PDE7A: variants seen among roughly 807,000 people sequenced by gnomAD.
PDE7A encodes the protein phosphodiesterase 7A.
In PDE7A, 39 loss-of-function variants were observed where a neutral mutation model predicts 64.3. The observed-to-expected ratio is 0.61, with a 90% CI of 0.47 to 0.79. PDE7A has a LOEUF of 0.79. PDE7A is among the 30% of genes least tolerant of loss of function. The pLI, the probability that PDE7A is intolerant of heterozygous loss-of-function variation, is 0.00. For synonymous variants in PDE7A, 203 were observed against 206.8 expected (o/e 0.98, Z 0.16); for missense variants, 470 against 582.8 (o/e 0.81, Z 1.99).
chr8:65,784,727 C>T (rs1455725650), intron 1 of PDE7A, among the ~76,000 whole-genome samples: 1 of 150,338 alleles, frequency 6.7e-6, no homozygotes, highest in African/African-American at 2.4e-5. Flanking sequence ...TATCCTCCCA[C>T]CAAAAAAAAA....
intron 1 of PDE7A, among the ~76,000 whole-genome samples, chr8:65,801,708 T>C (rs186309579): frequency 4.6e-5 from 7 of 152,262 alleles, no homozygotes; most frequent in African/African-American, 1.7e-4. Flanking sequence ...GAGAACATGA[T>C]ACAAATTTAT....
intron 8 of PDE7A, 98 bp downstream of exon 8, chr8:65,727,072 T>C (rs1806641967): frequency 1.0e-6 from 1 of 994,680 alleles, no homozygotes; most frequent in African/African-American, 1.6e-5. Flanking sequence ...ATTCTAACAT[T>C]CATTGAGAAT....
At chr8:65,821,356 T>C (rs1406098953) in intron 1 of PDE7A, among the ~76,000 whole-genome samples, 1 of 151,990 alleles carries the variant, frequency 6.6e-6, no homozygotes, top group Non-Finnish European at 1.5e-5. Flanking sequence ...TCTCATAAAA[T>C]AGCAATTTAA....
At chr8:65,768,543 A>G (rs968465471) in intron 3 of PDE7A, among the ~76,000 whole-genome samples, 6 of 152,222 alleles carry the variant, frequency 3.9e-5, no homozygotes, top group East Asian at 1.9e-4. Context: ...AGGTGGAGCT[A>G]TAAGTCTAAT....
intron 3 of PDE7A, among the ~76,000 whole-genome samples, chr8:65,771,575 C>A (rs1001277856): frequency 6.6e-6 from 1 of 152,034 alleles, no homozygotes; most frequent in Non-Finnish European, 1.5e-5. Flanking sequence ...AACAGATAAT[C>A]CTGGCTGGGC....
rs1361623452 is a variant in PDE7A at position 65,817,426 on chromosome 8, T to C, written c.138+23945A>G. Among the ~76,000 whole-genome samples, 10 of 146,430 alleles carry C rather than the reference T, an allele frequency of 6.8e-5. No individual in the cohort carries two copies. The East Asian group carries it at 1.4e-3, about 20-fold the overall frequency. ...GTTTATCAGAAATAACAAATTTCCA[T>C]TGGTGCAACAAAACAAAAATATAGA... On this transcript the variant is annotated intron_variant, in intron 1 of 12. Transcript: ENST00000401827.
intron 6 of PDE7A, among the ~76,000 whole-genome samples, chr8:65,735,859 A>G (rs1807108300): frequency 6.6e-6 from 1 of 152,148 alleles, no homozygotes. Context: ...TCCTGACCTC[A>G]GGTGATCCAC....
rs1002130873 is a variant in PDE7A at position 65,725,050 on chromosome 8, A to G, written c.921-129T>C. 4 of 488,478 alleles carry G rather than the reference A, an allele frequency of 8.2e-6. No individual in the cohort carries two copies. The Admixed American group carries it at 1.6e-4, about 20-fold the overall frequency. The allele number at this position is 488,478 out of a possible 1,614,324, so 30.3% of individuals were successfully genotyped here. A position where few individuals can be genotyped will look rare whatever the true frequency, so the allele number is the denominator to read the frequency against. On this transcript the variant is annotated intron_variant, in intron 9 of 12. Coordinates refer to ENST00000401827, the MANE Select transcript of PDE7A (RefSeq NM_001242318.3). ...AATATCCAACTATCATTCAATTTAAAATTTATCACACAAAAAATGAGTTTT... is the reference window on the plus strand; with the variant it reads ...AATATCCAACTATCATTCAATTTAAGATTTATCACACAAAAAATGAGTTTT...
At chr8:65,758,920 GA>G (rs1457895446) in intron 3 of PDE7A, among the ~76,000 whole-genome samples, 1 of 152,160 alleles carries the variant, frequency 6.6e-6, no homozygotes, top group Middle Eastern at 3.2e-3. Context: ...TCCTACCATG[GA>G]ATCTGTCCCA....
chr8:65,825,835 A>C (rs1810659118), intron 1 of PDE7A, among the ~76,000 whole-genome samples: 1 of 152,240 alleles, frequency 6.6e-6, no homozygotes, highest in Non-Finnish European at 1.5e-5. Flanking sequence ...GGCTGACCAC[A>C]TATTCAATGG....
At chr8:65,835,604 G>C (rs780910260) in intron 1 of PDE7A, among the ~76,000 whole-genome samples, 1 of 152,192 alleles carries the variant, frequency 6.6e-6, no homozygotes, top group African/African-American at 2.4e-5. Context: ...TGAAGGAAGA[G>C]GAGGGAAGAG....
chr8:65,758,450 G>A (rs1199352763), intron 3 of PDE7A, among the ~76,000 whole-genome samples: 2 of 152,204 alleles, frequency 1.3e-5, no homozygotes, highest in East Asian at 3.9e-4. Flanking sequence ...CTTCTCCCTT[G>A]GCAAGAATTT....
In PDE7A at chr8:65,717,241, T is replaced by C. The variant is rs1806177490; in HGVS notation, c.*2049A>G. ...ATGTTAATGTGTTTGATTTAGAAGT[T>C]TGCACCATATCCCTTCTAATGAGTT... On this transcript the variant is annotated 3_prime_UTR_variant, in exon 13 of 13. Coordinates refer to ENST00000401827, the MANE Select transcript of PDE7A (RefSeq NM_001242318.3). Among the ~76,000 whole-genome samples, 1 of 152,192 alleles carries C rather than the reference T, an allele frequency of 6.6e-6. No individual in the cohort carries two copies. Among genetic ancestry groups the C allele is most frequent in the South Asian group, 2.1e-4 (1 of 4,824 alleles).
intron 10 of PDE7A, 147 bp downstream of exon 10, chr8:65,724,630 G>A: frequency 1.5e-6 from 1 of 675,386 alleles, no homozygotes. Flanking sequence ...ATCTCCTTTT[G>A]GAAGGAGTGT....
At chr8:65,827,578 C>T (rs997678423) in intron 1 of PDE7A, among the ~76,000 whole-genome samples, 2 of 152,196 alleles carry the variant, frequency 1.3e-5, no homozygotes, top group African/African-American at 4.8e-5. Context: ...ACTATACAGT[C>T]ATGTGCCAAA....
chr8:65,809,806 C>T (rs1012367106), intron 1 of PDE7A, among the ~76,000 whole-genome samples: 1 of 152,198 alleles, frequency 6.6e-6, no homozygotes, highest in Non-Finnish European at 1.5e-5. Flanking sequence ...GATACCATCT[C>T]ACACTAGTTA....
At chr8:65,753,183 C>T (rs956334667) in intron 3 of PDE7A, among the ~76,000 whole-genome samples, 1 of 152,180 alleles carries the variant, frequency 6.6e-6, no homozygotes, top group Admixed American at 6.5e-5. Flanking sequence ...CACTGTTTTA[C>T]TTAAATTATC....
chr8:65,732,371 A>C (rs576435914), intron 7 of PDE7A, among the ~76,000 whole-genome samples: 23 of 152,214 alleles, frequency 1.5e-4, no homozygotes, highest in African/African-American at 4.8e-4. Context: ...TAGGATGTAC[A>C]CTTCATGAAG....
At chr8:65,769,973 A>G (rs1372326636) in intron 3 of PDE7A, among the ~76,000 whole-genome samples, 2 of 152,244 alleles carry the variant, frequency 1.3e-5, no homozygotes, top group Non-Finnish European at 2.9e-5. Flanking sequence ...AATTAGGTGA[A>G]TAATTTCATA....
Sources: allele counts gnomAD v4.1 joint callset (sites outside exome capture counted in the v4.1 genomes callset), GRCh38; gene constraint gnomAD v4.1.1; transcripts MANE v1.5; gene names NCBI Gene and HGNC (gene_info 2026-07-23, HGNC 2026-07-21).